The following KIAA0586 variants were observed in gnomAD, a reference collection of about 807,000 sequenced individuals.
KIAA0586 encodes KIAA0586.
A neutral mutation model predicts 169.8 loss-of-function variants in KIAA0586; 144 were observed. The observed-to-expected ratio is 0.85, with a 90% CI of 0.74 to 0.97. The LOEUF (loss-of-function observed/expected upper bound fraction) is 0.97. Among genes scored for constraint, KIAA0586 ranks in the 50% least tolerant of loss-of-function variants. The pLI is 0.00. For synonymous variants in KIAA0586, 625 were observed against 612.4 expected (o/e 1.02, Z -0.30); for missense variants, 1,854 against 1,823.0 (o/e 1.02, Z -0.31).
downstream of KIAA0586, among the ~76,000 whole-genome samples, chr14:58,552,172 T>C (rs1213514187): frequency 4.6e-5 from 7 of 152,200 alleles, no homozygotes; most frequent in South Asian, 1.5e-3. Flanking sequence ...TTGAAGACTC[T>C]ATTAGAAATG....
intron 3 of KIAA0586, 62 bp downstream of exon 3, chr14:58,430,779 A>G (rs1375133822): frequency 2.2e-6 from 2 of 913,760 alleles, no homozygotes; most frequent in African/African-American, 1.7e-5. Context: ...AAAGTTTACT[A>G]CTTTAAAATG....
intron 4 of KIAA0586, among the ~76,000 whole-genome samples, chr14:58,435,123 C>A (rs1038967879): frequency 2.0e-5 from 3 of 152,084 alleles, no homozygotes; most frequent in African/African-American, 7.2e-5. Context: ...TTTACAAAAG[C>A]CTAGCACGTC....
At chr14:58,440,067 T>TTTTG in intron 4 of KIAA0586, 2 of 224,588 alleles carry the variant, frequency 8.9e-6, no homozygotes, top group South Asian at 4.2e-5. Context: ...TTTTTTTTTC[T>TTTTG]AGAGACAGGG....
chr14:58,437,264 A>T (rs1226783383), intron 4 of KIAA0586, among the ~76,000 whole-genome samples: 3 of 152,180 alleles, frequency 2.0e-5, no homozygotes, highest in African/African-American at 7.2e-5. Context: ...ACTAAGGTTG[A>T]ATCCCAGATT....
chr14:58,465,036 C>T (rs1201642009), intron 14 of KIAA0586, among the ~76,000 whole-genome samples: 2 of 152,076 alleles, frequency 1.3e-5, no homozygotes, highest in Non-Finnish European at 2.9e-5. Flanking sequence ...CGCACCACTG[C>T]ACTCCAGCCT....
intron 21 of KIAA0586, among the ~76,000 whole-genome samples, chr14:58,486,679 C>G (rs776074974): frequency 4.6e-5 from 7 of 152,190 alleles, no homozygotes; most frequent in African/African-American, 1.7e-4. Flanking sequence ...CAAACAACTA[C>G]AAAATACAAA....
intron 24 of KIAA0586, 80 bp from the exon 25 acceptor site, chr14:58,490,084 A>G (rs2042735701): frequency 3.0e-6 from 2 of 675,530 alleles, no homozygotes; most frequent in African/African-American, 3.9e-5. Flanking sequence ...TGAATCTAAT[A>G]TGCTATGGCT....
At chr14:58,432,562 G>A in intron 4 of KIAA0586, 105 bp downstream of exon 4, 4 of 621,396 alleles carry the variant, frequency 6.4e-6, no homozygotes, top group Non-Finnish European at 1.1e-5. Flanking sequence ...AATATATATT[G>A]TGTGATATGT....
intron 26 of KIAA0586, among the ~76,000 whole-genome samples, chr14:58,493,151 G>A (rs1205632315): frequency 6.6e-6 from 1 of 152,162 alleles, no homozygotes; most frequent in African/African-American, 2.4e-5. Flanking sequence ...AGTTACAGCA[G>A]AAATAGAGAG....
At chr14:58,547,665 A>G in intron 30 of KIAA0586, 116 bp from the exon 31 acceptor site, 2 of 849,434 alleles carry the variant, frequency 2.4e-6, no homozygotes, top group South Asian at 1.6e-5. Flanking sequence ...CTTGTAGGCA[A>G]TCCTTATTTG....
chr14:58,474,251 T>C (rs759432625), intron 18 of KIAA0586, among the ~76,000 whole-genome samples: 3 of 152,248 alleles, frequency 2.0e-5, no homozygotes, highest in Non-Finnish European at 4.4e-5. Flanking sequence ...AGGGGACAAA[T>C]ATCCAAACCA....
At chr14:58,492,093 C>G (rs571910154) in intron 25 of KIAA0586, 51 bp from the exon 26 acceptor site, 188 of 1,356,230 alleles carry the variant, frequency 1.4e-4, no homozygotes, top group Non-Finnish European at 1.7e-4. Flanking sequence ...GAGAAAAATG[C>G]AATTGTTCGA....
chr14:58,474,929 GTGTT>G lies in KIAA0586; in HGVS notation c.2825+135_2825+138del, dbSNP rs368046801. ...CTTTCTTTGCTTTAGTCACTGGAAA[GTGTT>G]TGATATAATGCTGAGGGCTTAACTA... On this transcript the variant is annotated intron_variant, in intron 19 of 30. Coordinates refer to ENST00000652326, the MANE Select transcript of KIAA0586 (RefSeq NM_001329943.3). The G allele has an allele frequency of 1.2e-4, 81 of 697,364 alleles. No individual in the cohort carries two copies. In the African/African-American group the frequency reaches 1.3e-3, roughly 11 times the overall value. The allele number at this position is 697,364 out of a possible 1,614,324, so 43.2% of individuals were successfully genotyped here.
chr14:58,518,055 A>G (rs1296093232), intron 29 of KIAA0586, among the ~76,000 whole-genome samples: 2 of 152,172 alleles, frequency 1.3e-5, no homozygotes, highest in Non-Finnish European at 2.9e-5. Flanking sequence ...GGTAGTGTCT[A>G]TATAACTAAG....
In KIAA0586 at chr14:58,477,084, G is replaced by T. The variant is rs147956836; in HGVS notation, c.2826-39G>T. ...ACATTTTTTACATTTCAATCAAATTGAGGAATCTTAACTTTTATCTGCCCC... is the reference window on the plus strand; with the variant it reads ...ACATTTTTTACATTTCAATCAAATTTAGGAATCTTAACTTTTATCTGCCCC... On this transcript the variant is annotated intron_variant, in intron 19 of 30. Coordinates refer to ENST00000652326, the MANE Select transcript of KIAA0586 (RefSeq NM_001329943.3). The T allele has an allele frequency of 0.014, 14,882 of 1,090,536 alleles. 140 individuals are homozygous for T. Among genetic ancestry groups the T allele is most frequent in the Middle Eastern group, 0.022 (111 of 4,944 alleles). 67.6% of individuals were successfully genotyped at this position (1,090,536 alleles called of 1,614,324 possible). A position where few individuals can be genotyped will look rare whatever the true frequency, so the allele number is the denominator to read the frequency against.
At position 58,457,880 on chromosome 14, in the gene KIAA0586, A is replaced by G. The variant is rs2040004897; in HGVS notation, c.1484A>G (p.Gln495Arg). 4 of 1,607,258 alleles carry G rather than the reference A, an allele frequency of 2.5e-6. No homozygotes were observed. The highest frequency in any genetic ancestry group is 1.7e-5 in the Admixed American group (1 of 59,164). The change falls in exon 11 of 31, where the codon CAA becomes CGA. Residue 495 changes from glutamine (Q) to arginine (R), a missense_variant. Physicochemically the swap from Gln to Arg is conservative, Grantham distance 43. Transcript: ENST00000652326. ...GCTGAGAAGATTTTGAGAGGAGTAC[A>G]AAACAATAAAAAAGTACTTGAAGAA... Reference protein sequence around the residue: ...KDAEKILRGVQNNKKVLEENL... With the variant: ...KDAEKILRGVRNNKKVLEENL...
intron 29 of KIAA0586, among the ~76,000 whole-genome samples, chr14:58,526,628 C>T (rs942503280): frequency 6.6e-6 from 1 of 152,156 alleles, no homozygotes; most frequent in Non-Finnish European, 1.5e-5. Flanking sequence ...CCTGAAAATT[C>T]CCAAAACCAG....
intron 20 of KIAA0586, among the ~76,000 whole-genome samples, chr14:58,477,877 A>T (rs1475783845): frequency 2.2e-5 from 3 of 136,624 alleles, no homozygotes; most frequent in African/African-American, 8.3e-5. Flanking sequence ...TCTTCTCCCC[A>T]TTCTCTTCCC....
At chr14:58,540,410 A>T (rs2046576616) in intron 30 of KIAA0586, among the ~76,000 whole-genome samples, 1 of 152,230 alleles carries the variant, frequency 6.6e-6, no homozygotes, top group Non-Finnish European at 1.5e-5. Context: ...AGCACTAAGG[A>T]TAAGACTCGA....
Sources: allele counts gnomAD v4.1 joint callset (sites outside exome capture counted in the v4.1 genomes callset), GRCh38; gene constraint gnomAD v4.1.1; transcripts MANE v1.5; gene names NCBI Gene and HGNC (gene_info 2026-07-23, HGNC 2026-07-21).